The following RAVER2 variants were observed in gnomAD, a reference collection of about 807,000 sequenced individuals.
RAVER2 encodes the protein ribonucleoprotein PTB-binding 2.
Under a neutral mutation model 78.1 loss-of-function variants are expected in RAVER2, and 46 were observed. That is an observed-to-expected ratio of 0.59 (90% CI 0.46 to 0.75). The LOEUF is 0.75. RAVER2 is among the 30% of genes least tolerant of loss of function. The pLI is 0.00. For missense variants in RAVER2, 793 were observed against 837.5 expected (o/e 0.95, Z 0.66); for synonymous variants, 311 against 313.3 (o/e 0.99, Z 0.08).
intron 11 of RAVER2, among the ~76,000 whole-genome samples, chr1:64,818,960 C>T (rs1653819643): frequency 6.6e-6 from 1 of 152,206 alleles, no homozygotes; most frequent in South Asian, 2.1e-4. Context: ...AGAGATTCAA[C>T]TCCTCTCCAG....
intron 5 of RAVER2, among the ~76,000 whole-genome samples, chr1:64,791,504 A>G (rs1652940797): frequency 6.6e-6 from 1 of 152,176 alleles, no homozygotes; most frequent in Non-Finnish European, 1.5e-5. Flanking sequence ...AAATACAAGG[A>G]TTTAGAGTCT....
Position 64,795,004 on chromosome 1 carries a change from G to A in RAVER2, c.1105+5490G>A, listed in dbSNP as rs532126618. Among the ~76,000 whole-genome samples, 20 of 151,908 alleles carry A rather than the reference G, an allele frequency of 1.3e-4. No individual in the cohort carries two copies. In the South Asian group the frequency reaches 3.8e-3, roughly 28 times the overall value. On this transcript the variant is annotated intron_variant, in intron 5 of 11. Coordinates refer to ENST00000294428, the Ensembl canonical transcript of RAVER2. ...AGTTAATTTTAGTTTGTAGTATGAG[G>A]TAAGAGTCCAGATTTTTTTTTTACA...
chr1:64,760,347 A>G (rs1259669524), intron 1 of RAVER2, among the ~76,000 whole-genome samples: 1 of 152,220 alleles, frequency 6.6e-6, no homozygotes, highest in Non-Finnish European at 1.5e-5. Flanking sequence ...ACCCCAGATC[A>G]ACTTCAGAGT....
intron 1 of RAVER2, among the ~76,000 whole-genome samples, chr1:64,759,143 G>A (rs1651938574): frequency 2.0e-5 from 3 of 151,640 alleles, no homozygotes; most frequent in African/African-American, 7.2e-5. Context: ...AATTAGGTTA[G>A]TGTACAGTAA....
At chr1:64,803,100 C>T (rs779280465) in intron 6 of RAVER2, 39 bp downstream of exon 6, 16 of 1,404,822 alleles carry the variant, frequency 1.1e-5, no homozygotes, top group South Asian at 5.0e-5. Context: ...ATTAAATATT[C>T]GGAGTGAATA....
chr1:64,802,916 GT>G, intron 5 of RAVER2, 59 bp from the exon 6 acceptor site: 1 of 1,222,888 alleles, frequency 8.2e-7, no homozygotes, highest in Non-Finnish European at 1.2e-6. Flanking sequence ...TCGAAGCTTG[GT>G]TTTTAAAAAT....
At chr1:64,771,333 CA>C (rs1652312547) in intron 2 of RAVER2, among the ~76,000 whole-genome samples, 1 of 151,850 alleles carries the variant, frequency 6.6e-6, no homozygotes, top group African/African-American at 2.4e-5. Context: ...AAATATCTTT[CA>C]AAAACAGTGA....
chr1:64,791,701 AC>A (rs1252359228), intron 5 of RAVER2, among the ~76,000 whole-genome samples: 46 of 152,280 alleles, frequency 3.0e-4, no homozygotes, highest in African/African-American at 1.1e-3. Flanking sequence ...TGTCTTGACA[AC>A]ATGAAGGATT....
chr1:64,769,935 C>T (rs776713390), intron 2 of RAVER2, among the ~76,000 whole-genome samples: 1 of 152,064 alleles, frequency 6.6e-6, no homozygotes, highest in Non-Finnish European at 1.5e-5. Flanking sequence ...ATGTATATTT[C>T]ATTTAGCAAC....
At chr1:64,778,024 A>G in exon 3 of RAVER2, 1 of 1,614,092 alleles carries the variant, frequency 6.2e-7, no homozygotes, top group Non-Finnish European at 8.5e-7. Context: ...TAAACTCCCC[A>G]GTGACTACAG....
At chr1:64,754,449 A>T (rs1198606654) in intron 1 of RAVER2, among the ~76,000 whole-genome samples, 1 of 152,164 alleles carries the variant, frequency 6.6e-6, no homozygotes, top group Non-Finnish European at 1.5e-5. Flanking sequence ...CCTTGTTCTA[A>T]AATGCTATAT....
chr1:64,778,502 A>C (rs1031279707), intron 3 of RAVER2, among the ~76,000 whole-genome samples: 1 of 152,178 alleles, frequency 6.6e-6, no homozygotes, highest in Admixed American at 6.5e-5. Context: ...CGGACAAGTA[A>C]GCAAATAATT....
At chr1:64,832,424 TA>T (rs1456187138) in exon 12 of RAVER2, 2 of 152,666 alleles carry the variant, frequency 1.3e-5, no homozygotes, top group Admixed American at 1.3e-4. Context: ...ACCTTGGTAT[TA>T]AATGCATGAG....
At chr1:64,807,402 T>C (rs1301974988) in exon 9 of RAVER2, 1 of 1,614,180 alleles carries the variant, frequency 6.2e-7, no homozygotes, top group Non-Finnish European at 8.5e-7. Context: ...CAAACCTTGC[T>C]GCTGGAAGCT....
intron 1 of RAVER2, among the ~76,000 whole-genome samples, chr1:64,764,382 A>C (rs1271002847): frequency 2.0e-5 from 3 of 152,004 alleles, no homozygotes; most frequent in Admixed American, 1.3e-4. Context: ...GGAAAAGGGA[A>C]AAAAAAACAG....
intron 2 of RAVER2, among the ~76,000 whole-genome samples, chr1:64,774,046 TG>T (rs1652394537): frequency 1.3e-5 from 2 of 152,208 alleles, no homozygotes; most frequent in Admixed American, 1.3e-4. Flanking sequence ...CTTGTAAATT[TG>T]TTTGAGTTTT....
chr1:64,820,017 T>C lies in RAVER2; in HGVS notation c.1929+5177T>C, dbSNP rs1368273854. ...AGCAAAAATTGTAACATATAGGGTT[T>C]ATAATGTATATAGATATAGTATATT... is the stretch of plus-strand genomic sequence containing the variant. On this transcript the variant is annotated intron_variant, in intron 11 of 11. Transcript: ENST00000294428. Among the ~76,000 whole-genome samples, 6 of 152,330 alleles carry C rather than the reference T, an allele frequency of 3.9e-5. No individual in the cohort carries two copies. In the East Asian group the frequency reaches 1.2e-3, roughly 29 times the overall value.
intron 4 of RAVER2, among the ~76,000 whole-genome samples, chr1:64,786,315 G>A (rs1402181581): frequency 6.6e-6 from 1 of 152,072 alleles, no homozygotes; most frequent in East Asian, 1.9e-4. Flanking sequence ...TTCATTCTAT[G>A]CTCTTCAATT....
intron 5 of RAVER2, among the ~76,000 whole-genome samples, chr1:64,799,544 G>A (rs1653200598): frequency 6.6e-6 from 1 of 152,124 alleles, no homozygotes; most frequent in Non-Finnish European, 1.5e-5. Context: ...CTGAGTTCAA[G>A]CGATTCTCAT....
Sources: gnomAD v4.1 joint callset for allele counts (sites outside exome capture counted in the v4.1 genomes callset) on GRCh38, gnomAD v4.1.1 for gene constraint, MANE v1.5 for transcripts, NCBI Gene and HGNC (gene_info 2026-07-23, HGNC 2026-07-21) for gene names.